Variants in DYNC1LI2 observed in about 807,000 individuals in gnomAD.
The protein encoded by DYNC1LI2 is cytoplasmic dynein 1 light intermediate chain 2.
In DYNC1LI2, 19 loss-of-function variants were observed where a neutral mutation model predicts 57.8. The observed-to-expected ratio is 0.33, with a 90% CI of 0.23 to 0.48. DYNC1LI2 has a LOEUF of 0.48. DYNC1LI2 is among the 20% of genes least tolerant of loss of function. DYNC1LI2 has a pLI of 0.99. For missense variants in DYNC1LI2, 470 were observed against 604.2 expected (o/e 0.78, Z 2.33); for synonymous variants, 256 against 233.4 (o/e 1.10, Z -0.88).
At chr16:66,732,057 T>A (rs1275148723) in intron 7 of DYNC1LI2, 2 of 373,434 alleles carry the variant, frequency 5.4e-6, no homozygotes, top group Non-Finnish European at 9.6e-6. Flanking sequence ...CTATATTCCC[T>A]CCCCAGCCAG....
intron 2 of DYNC1LI2, among the ~76,000 whole-genome samples, chr16:66,749,881 G>C (rs2145013484): frequency 6.6e-6 from 1 of 152,270 alleles, no homozygotes; most frequent in South Asian, 2.1e-4. Context: ...TACAATCTCA[G>C]TTAATTATTA....
Position 66,723,589 on chromosome 16 carries a change from T to TC in DYNC1LI2, c.*132_*133insG, listed in dbSNP as rs1161824770. The TC allele has an allele frequency of 2.6e-6, 2 of 764,118 alleles. No homozygotes were observed. Among genetic ancestry groups the TC allele is most frequent in the East Asian group, 5.4e-5 (2 of 36,752 alleles). The allele number at this position is 764,118 out of a possible 1,614,324, so 47.3% of individuals were successfully genotyped here. On this transcript the variant is annotated 3_prime_UTR_variant, in exon 13 of 13. Transcript: ENST00000258198. Reference sequence around the variant, plus strand: ...CACTCGGACAAGCCAATGAAGTTTTTTTTTTTTTTTTAAAGTTCATCTCCC... The same window carrying TC: ...CACTCGGACAAGCCAATGAAGTTTTTCTTTTTTTTTTTAAAGTTCATCTCCC...
intron 4 of DYNC1LI2, among the ~76,000 whole-genome samples, chr16:66,738,662 G>A (rs994279179): frequency 6.6e-6 from 1 of 151,842 alleles, no homozygotes; most frequent in African/African-American, 2.4e-5. Flanking sequence ...GGATCATGAG[G>A]TCAGGAATTC....
chr16:66,736,642 C>T (rs1473652669), intron 4 of DYNC1LI2, among the ~76,000 whole-genome samples: 1 of 152,138 alleles, frequency 6.6e-6, no homozygotes, highest in Non-Finnish European at 1.5e-5. Context: ...GGACTAAAGG[C>T]ATGTGCCACC....
rs2017558196 is a variant in DYNC1LI2 at position 66,727,569 on chromosome 16, A to G, written c.1261+119T>C. ...AATGGAAAGTAGCCCTTATCGGGGA[A>G]GAGAATAGCCTGGCTTCCATGAGTC... On this transcript the variant is annotated intron_variant, in intron 11 of 12. Transcript: ENST00000258198. 3.4e-6 allele frequency: 3 copies of G among 894,056 alleles called. No homozygotes were observed. In the East Asian group the frequency reaches 7.6e-5, roughly 23 times the overall value. The allele number at this position is 894,056 out of a possible 1,614,324, so 55.4% of individuals were successfully genotyped here.
At chr16:66,731,598 C>T (rs1365616021) in intron 7 of DYNC1LI2, 5 of 152,304 alleles carry the variant, frequency 3.3e-5, no homozygotes, top group Admixed American at 3.3e-4. Context: ...TATGTCCCCT[C>T]TAGACAGTGC....
chr16:66,728,375 A>C, intron 9 of DYNC1LI2, 133 bp from the exon 10 acceptor site: 1 of 993,420 alleles, frequency 1.0e-6, no homozygotes, highest in East Asian at 2.6e-5. Context: ...TTTATACCAC[A>C]GATGCCAAAA....
intron 12 of DYNC1LI2, among the ~76,000 whole-genome samples, chr16:66,724,962 A>T (rs2017510282): frequency 6.6e-6 from 1 of 152,182 alleles, no homozygotes; most frequent in African/African-American, 2.4e-5. Flanking sequence ...ACCTGAGGTC[A>T]GGAGTTCGAG....
chr16:66,725,771 C>T, intron 12 of DYNC1LI2, 57 bp downstream of exon 12: 3 of 1,554,216 alleles, frequency 1.9e-6, no homozygotes, highest in South Asian at 2.3e-5. Flanking sequence ...TCTGCCTCTC[C>T]ATCCTTGCAG....
intron 3 of DYNC1LI2, among the ~76,000 whole-genome samples, chr16:66,745,641 C>T (rs562631882): frequency 1.3e-5 from 2 of 151,806 alleles, no homozygotes; most frequent in Admixed American, 6.6e-5. Context: ...TGGTGGCTCA[C>T]GCCTGTAATC....
chr16:66,741,248 T>C (rs1009045810), intron 4 of DYNC1LI2, among the ~76,000 whole-genome samples: 3 of 152,146 alleles, frequency 2.0e-5, no homozygotes, highest in Non-Finnish European at 4.4e-5. Context: ...GTCTGTGCAG[T>C]GGATGAAAGC....
intron 7 of DYNC1LI2, chr16:66,730,524 G>A (rs2017617306): frequency 4.3e-6 from 1 of 230,046 alleles, no homozygotes; most frequent in Non-Finnish European, 8.5e-6. Context: ...ACTCTGCCTA[G>A]AAGAGCAAGG....
chr16:66,723,604 G>A lies in DYNC1LI2; in HGVS notation c.*118C>T. 5 of 654,216 alleles carry A rather than the reference G, an allele frequency of 7.6e-6. No individual in the cohort carries two copies. Among genetic ancestry groups the A allele is most frequent in the Non-Finnish European group, 1.2e-5 (5 of 403,462 alleles). 40.5% of individuals were successfully genotyped at this position (654,216 alleles called of 1,614,324 possible). A position where few individuals can be genotyped will look rare whatever the true frequency, so the allele number is the denominator to read the frequency against. On this transcript the variant is annotated 3_prime_UTR_variant, in exon 13 of 13. Transcript: ENST00000258198. ...ATGAAGTTTTTTTTTTTTTTTTAAA[G>A]TTCATCTCCCCTGCCCCAAAAAACT...
At chr16:66,744,849 C>T (rs1360955981) in intron 3 of DYNC1LI2, among the ~76,000 whole-genome samples, 2 of 151,696 alleles carry the variant, frequency 1.3e-5, no homozygotes, top group East Asian at 3.9e-4. Context: ...CATGAATCAC[C>T]ATGCCCGGCC....
intron 5 of DYNC1LI2, 70 bp from the exon 6 acceptor site, chr16:66,734,381 C>T: frequency 4.8e-6 from 7 of 1,450,730 alleles, no homozygotes; most frequent in Non-Finnish European, 6.7e-6. Context: ...CCTCATTCTT[C>T]AGAAATAAAG....
Position 66,723,177 on chromosome 16 carries a change from C to T in DYNC1LI2, c.*545G>A, listed in dbSNP as rs896522626. On this transcript the variant is annotated 3_prime_UTR_variant, in exon 13 of 13. Coordinates refer to ENST00000258198, the MANE Select transcript of DYNC1LI2 (RefSeq NM_006141.3). ...GGAAATGCTTCTAACAATGATTCTT[C>T]AACTTCTACTGAATGCACAGTATTT... 3 of 340,922 alleles carry T rather than the reference C, an allele frequency of 8.8e-6. No individual in the cohort carries two copies. Among genetic ancestry groups the T allele is most frequent in the Non-Finnish European group, 1.8e-5 (3 of 169,400 alleles). 21.1% of individuals were successfully genotyped at this position (340,922 alleles called of 1,614,324 possible).
chr16:66,731,337 G>A (rs1280911518), intron 7 of DYNC1LI2: 2 of 152,376 alleles, frequency 1.3e-5, no homozygotes, highest in East Asian at 3.9e-4. Context: ...ATCAGCCCAA[G>A]CCTGTAGGTA....
chr16:66,738,021 AAGAGGACCT>A (rs1485854393), intron 4 of DYNC1LI2, among the ~76,000 whole-genome samples: 1 of 152,206 alleles, frequency 6.6e-6, no homozygotes, highest in Non-Finnish European at 1.5e-5. Flanking sequence ...AACAGGACTG[AAGAGGACCT>A]AGAGAAAGGT....
intron 8 of DYNC1LI2, 48 bp from the exon 9 acceptor site, chr16:66,729,147 A>G (rs2017589164): frequency 6.2e-7 from 1 of 1,603,704 alleles, no homozygotes; most frequent in African/African-American, 1.3e-5. Flanking sequence ...GAATACTCCT[A>G]ACCACTGTCA....
Sources: allele counts gnomAD v4.1 joint callset (sites outside exome capture counted in the v4.1 genomes callset), GRCh38; gene constraint gnomAD v4.1.1; transcripts MANE v1.5; gene names NCBI Gene and HGNC (gene_info 2026-07-23, HGNC 2026-07-21).